Variants in RALYL observed in about 807,000 individuals in gnomAD.
The protein encoded by RALYL is RNA-binding Raly-like protein.
In RALYL, 29 loss-of-function variants were observed where a neutral mutation model predicts 35.1. The ratio of observed to expected loss-of-function variants is 0.83; its 90% CI spans 0.61 to 1.13. RALYL has a LOEUF of 1.13. Among genes scored for constraint, RALYL ranks in the 50% most tolerant of loss-of-function variants. The pLI is 0.00. For missense variants in RALYL, 359 were observed against 360.4 expected (o/e 1.00, Z 0.03); for synonymous variants, 120 against 127.6 (o/e 0.94, Z 0.40).
chr8:84,444,907 T>C (rs992960619), intron 1 of RALYL, among the ~76,000 whole-genome samples: 1 of 152,084 alleles, frequency 6.6e-6, no homozygotes, highest in Non-Finnish European at 1.5e-5. Context: ...TGCTATTCTT[T>C]TGAGAACTTA....
At chr8:84,191,142 CT>C (rs748187046) in intron 1 of RALYL, among the ~76,000 whole-genome samples, 57 of 149,266 alleles carry the variant, frequency 3.8e-4, no homozygotes, top group Non-Finnish European at 6.8e-4. Flanking sequence ...ATAAAGAGGG[CT>C]GTTGTTCCCA....
At chr8:84,484,164 A>C (rs1290592494) in intron 1 of RALYL, among the ~76,000 whole-genome samples, 1 of 152,146 alleles carries the variant, frequency 6.6e-6, no homozygotes, top group South Asian at 2.1e-4. Flanking sequence ...TACATTCAAT[A>C]ACTTTAACAT....
chr8:84,746,791 T>C (rs935051576), intron 2 of RALYL, among the ~76,000 whole-genome samples: 5 of 151,966 alleles, frequency 3.3e-5, no homozygotes, highest in African/African-American at 1.2e-4. Context: ...TCATTTAAAA[T>C]AATTAATACA....
intron 6 of RALYL, among the ~76,000 whole-genome samples, chr8:84,864,201 T>TTGTGTG (rs112446879): frequency 1.3e-5 from 2 of 150,076 alleles, no homozygotes; most frequent in Admixed American, 6.6e-5. Context: ...GTGTGTGTGT[T>TTGTGTG]TGTGTGTGTG....
chr8:84,455,403 C>T (rs2050014549), intron 1 of RALYL, among the ~76,000 whole-genome samples: 1 of 151,856 alleles, frequency 6.6e-6, no homozygotes, highest in Admixed American at 6.6e-5. Context: ...AACCTTTCAT[C>T]AGAGCAAAGA....
intron 2 of RALYL, among the ~76,000 whole-genome samples, chr8:84,640,160 T>C (rs1320688845): frequency 1.3e-5 from 2 of 152,008 alleles, no homozygotes; most frequent in Non-Finnish European, 2.9e-5. Context: ...TAGGTCATTG[T>C]AAAACAATAG....
intron 2 of RALYL, among the ~76,000 whole-genome samples, chr8:84,628,465 T>C (rs1413836320): frequency 6.6e-6 from 1 of 152,098 alleles, no homozygotes; most frequent in Non-Finnish European, 1.5e-5. Flanking sequence ...ATAAATTCCT[T>C]TGAGGGTAGA....
intron 1 of RALYL, among the ~76,000 whole-genome samples, chr8:84,510,461 CT>C (rs1564060248): frequency 6.6e-6 from 1 of 152,096 alleles, no homozygotes; most frequent in Non-Finnish European, 1.5e-5. Flanking sequence ...GTACAACTTG[CT>C]TATGGCTTCC....
intron 2 of RALYL, among the ~76,000 whole-genome samples, chr8:84,686,818 C>T (rs183990372): frequency 7.2e-5 from 11 of 152,196 alleles, no homozygotes; most frequent in East Asian, 5.8e-4. Flanking sequence ...CCCCCAATGA[C>T]GGGAAAAATA....
chr8:84,415,518 G>C (rs185303049), intron 1 of RALYL, among the ~76,000 whole-genome samples: 10 of 147,024 alleles, frequency 6.8e-5, no homozygotes, highest in African/African-American at 2.5e-4. Context: ...TATTACAGGC[G>C]TGAGCCACCG....
intron 8 of RALYL, among the ~76,000 whole-genome samples, chr8:84,910,630 C>T (rs117166157): frequency 2.5e-3 from 387 of 152,026 alleles, no homozygotes; most frequent in Non-Finnish European, 4.9e-3. Flanking sequence ...ATCTAAAAAG[C>T]ACTTGAAAAT....
At chr8:84,889,223 G>C (rs951905341) in intron 8 of RALYL, among the ~76,000 whole-genome samples, 2 of 152,152 alleles carry the variant, frequency 1.3e-5, no homozygotes, top group Non-Finnish European at 2.9e-5. Context: ...TCCTTAGGCA[G>C]GACTACATGA....
chr8:84,449,992 C>T (rs78417409), intron 1 of RALYL, among the ~76,000 whole-genome samples: 4 of 151,260 alleles, frequency 2.6e-5, no homozygotes, highest in Non-Finnish European at 4.4e-5. Flanking sequence ...CATGTCTGAA[C>T]GCATAGAAGG....
At chr8:84,655,792 A>G (rs1329046352) in intron 2 of RALYL, among the ~76,000 whole-genome samples, 1 of 152,210 alleles carries the variant, frequency 6.6e-6, no homozygotes, top group Non-Finnish European at 1.5e-5. Flanking sequence ...CAATGAATAT[A>G]ACTTGACAAA....
intron 1 of RALYL, among the ~76,000 whole-genome samples, chr8:84,333,258 C>T (rs908808903): frequency 3.3e-5 from 5 of 152,002 alleles, no homozygotes; most frequent in African/African-American, 1.2e-4. Flanking sequence ...TCAGTCTCAC[C>T]ATAAATATCA....
In RALYL at chr8:84,356,404, C is replaced by T. The variant is rs544627462; in HGVS notation, c.-24+171980C>T. Among the ~76,000 whole-genome samples the T allele has an allele frequency of 6.0e-5, 9 of 150,508 alleles. 1 individual carries two copies. The highest frequency in any genetic ancestry group is 9.9e-5 in the African/African-American group (4 of 40,528). On this transcript the variant is annotated intron_variant, in intron 1 of 8. Transcript: ENST00000521268. Reference sequence around the variant, plus strand: ...GAAGATCAAGAGGGTAGTTCCAAGACGATACACTGGTTCAGGCCCTTTTAT... The same window carrying T: ...GAAGATCAAGAGGGTAGTTCCAAGATGATACACTGGTTCAGGCCCTTTTAT...
intron 2 of RALYL, among the ~76,000 whole-genome samples, chr8:84,543,267 G>GT (rs983713566): frequency 7.8e-4 from 114 of 146,928 alleles, no homozygotes; most frequent in Middle Eastern, 7.2e-3. Context: ...CTTTTTTATT[G>GT]TTTTTTTTTG....
At chr8:84,446,440 T>C (rs1225338575) in intron 1 of RALYL, among the ~76,000 whole-genome samples, 1 of 151,976 alleles carries the variant, frequency 6.6e-6, no homozygotes, top group East Asian at 1.9e-4. Context: ...TGGAAGGGCT[T>C]TTTAGGGTTA....
At chr8:84,461,225 G>T (rs2050735741) in intron 1 of RALYL, among the ~76,000 whole-genome samples, 1 of 151,502 alleles carries the variant, frequency 6.6e-6, no homozygotes, top group Non-Finnish European at 1.5e-5. Flanking sequence ...ATAATACAGA[G>T]AAATGTAGAA....
Sources: gnomAD v4.1 joint callset for allele counts (sites outside exome capture counted in the v4.1 genomes callset) on GRCh38, gnomAD v4.1.1 for gene constraint, MANE v1.5 for transcripts, NCBI Gene and HGNC (gene_info 2026-07-23, HGNC 2026-07-21) for gene names.